The following F5 variants were observed in gnomAD, a reference collection of about 807,000 sequenced individuals.
F5 encodes coagulation factor V.
F5 carries 138 observed loss-of-function variants against 216.4 expected under a neutral mutation model. That is an observed-to-expected ratio of 0.64 (90% CI 0.56 to 0.73). F5 has a LOEUF of 0.73. Among genes scored for constraint, F5 ranks in the 30% least tolerant of loss-of-function variants. The pLI is 0.00. For missense variants in F5, 2,403 were observed against 2,674.0 expected (o/e 0.90, Z 2.24); for synonymous variants, 916 against 930.7 (o/e 0.98, Z 0.29).
rs772057603 is a variant in F5, at chr1:169,556,824, C to T, written c.774G>A (p.Leu258=). The T allele has an allele frequency of 5.6e-6, 9 of 1,614,050 alleles. No homozygotes were observed. The South Asian group carries it at 9.9e-5, about 18-fold the overall frequency. The part of the protein sequence containing the change: ...CAHDHISWHL[L]GMSSGPELFS... Reference sequence around the variant, plus strand: ...ATAATTCTGGCCCCGAGCTCATTCCCAGCAGATGCCAGCTGATGTGGTCAT... The same window carrying T: ...ATAATTCTGGCCCCGAGCTCATTCCTAGCAGATGCCAGCTGATGTGGTCAT... Residue 258 remains leucine, a synonymous_variant, in exon 6 of 25, where the codon CTG becomes CTA. Transcript: ENST00000367797.
At chr1:169,537,463 G>A (rs1364905904) in intron 13 of F5, among the ~76,000 whole-genome samples, 1 of 152,048 alleles carries the variant, frequency 6.6e-6, no homozygotes, top group Non-Finnish European at 1.5e-5. Flanking sequence ...GAAAGTACAG[G>A]CAACAAAAGC....
chr1:169,563,813 T>G (rs1660537818), intron 3 of F5, among the ~76,000 whole-genome samples: 1 of 151,860 alleles, frequency 6.6e-6, no homozygotes, highest in African/African-American at 2.4e-5. Flanking sequence ...TGAGAAGATT[T>G]ATGATAGCTG....
intron 2 of F5, among the ~76,000 whole-genome samples, chr1:169,574,341 G>A (rs1180168518): frequency 6.6e-6 from 1 of 152,156 alleles, no homozygotes; most frequent in East Asian, 1.9e-4. Context: ...GAGTTCTGGA[G>A]GTGAAACTTG....
intron 2 of F5, among the ~76,000 whole-genome samples, chr1:169,579,583 A>G (rs1270761455): frequency 2.0e-5 from 3 of 152,132 alleles, no homozygotes; most frequent in Non-Finnish European, 2.9e-5. Context: ...CTTCTCTCAC[A>G]AACTATCTCC....
intron 18 of F5, among the ~76,000 whole-genome samples, chr1:169,525,668 A>G (rs763658683): frequency 6.6e-6 from 1 of 152,202 alleles, no homozygotes; most frequent in African/African-American, 2.4e-5. Context: ...ATCACAAGTC[A>G]TGAAGAAGGA....
At chr1:169,526,914 ACT>A (rs1320973053) in intron 17 of F5, among the ~76,000 whole-genome samples, 6 of 151,600 alleles carry the variant, frequency 4.0e-5, no homozygotes, top group African/African-American at 1.2e-4. Context: ...TACAATTAAT[ACT>A]CTCTAGATGT....
chr1:169,579,247 G>C (rs190607759), intron 2 of F5, among the ~76,000 whole-genome samples: 17 of 152,174 alleles, frequency 1.1e-4, no homozygotes, highest in African/African-American at 4.1e-4. Flanking sequence ...TTTGCCTCCA[G>C]GATAACACAT....
rs1337212974 is a variant in F5 at position 169,518,575 on chromosome 1, A to C, written c.6194-12T>G. The C allele has an allele frequency of 3.1e-6, 5 of 1,613,700 alleles. No homozygotes were observed. The South Asian group carries it at 4.4e-5, about 14-fold the overall frequency. ...GGGTGTGGAACATCCTATCAAAAGA[A>C]AAGTAACGTGATTAATTACACACCA... On this transcript the variant is annotated splice_polypyrimidine_tract_variant and intron_variant, in intron 22 of 24. Transcript: ENST00000367797.
chr1:169,572,379 A>C (rs765701691), intron 2 of F5, 36 bp from the exon 3 acceptor site: 29 of 1,610,818 alleles, frequency 1.8e-5, no homozygotes, highest in Non-Finnish European at 4.2e-6. Flanking sequence ...GTCTGTATTC[A>C]GGGTCATCAA....
intron 19 of F5, among the ~76,000 whole-genome samples, chr1:169,524,250 C>T (rs2101807175): frequency 6.6e-6 from 1 of 152,300 alleles, no homozygotes; most frequent in South Asian, 2.1e-4. Context: ...ACCTCTTGAT[C>T]TTGGGAAGGG....
At chr1:169,518,693 T>C in intron 22 of F5, 130 bp from the exon 23 acceptor site, 1 of 1,042,470 alleles carries the variant, frequency 9.6e-7, no homozygotes, top group South Asian at 1.4e-5. Context: ...ACAATGAAGA[T>C]TTATTGAATC....
rs111915442 is a variant in F5, at chr1:169,532,901, A to G, written c.4972-1879T>C. ...ATTCTAAAATTCATATGGAATCAAA[A>G]AAGAGCCTGAATAGCCAAAGCAATC... On this transcript the variant is annotated intron_variant, in intron 14 of 24. Transcript: ENST00000367797. 2.6e-3 allele frequency among the ~76,000 whole-genome samples: 389 copies of G among 152,348 alleles called. 2 individuals carry two copies. Among genetic ancestry groups the G allele is most frequent in the African/African-American group, 8.5e-3 (352 of 41,586 alleles).
chr1:169,586,249 T>A lies in F5; in HGVS notation c.138A>T (p.Arg46=), dbSNP rs758330742. The change falls in exon 1 of 25, where the codon CGA becomes CGT. Residue 46 remains arginine (R), a synonymous_variant. Coordinates refer to ENST00000367797, the MANE Select transcript of F5 (RefSeq NM_000130.5). The part of the protein sequence containing the change: ...VAAQGISWSY[R]PEPTNSSLNL... ...GTTACCTTGAGTTTGTGGGCTCAGG[T>A]CGGTAGCTCCAACTGATGCCCTGAG... 1 of 1,614,040 alleles carries A rather than the reference T, an allele frequency of 6.2e-7. No individual in the cohort carries two copies. The highest frequency in any genetic ancestry group is 1.7e-5 in the Admixed American group (1 of 60,024).
intron 4 of F5, among the ~76,000 whole-genome samples, chr1:169,559,577 C>CA (rs1660414805): frequency 6.6e-6 from 1 of 152,114 alleles, no homozygotes; most frequent in Non-Finnish European, 1.5e-5. Flanking sequence ...AGACTCTGTA[C>CA]AAGTATCCAT....
In F5 at chr1:169,518,434, C is replaced by A. The variant is rs751124066; in HGVS notation, c.6323G>T (p.Arg2108Leu). 2 of 1,613,754 alleles carry A rather than the reference C, an allele frequency of 1.2e-6. No homozygotes were observed. The highest frequency in any genetic ancestry group is 1.7e-5 in the Admixed American group (1 of 60,004). ...PFRARLNAQGRVNAWQAKANN... is the reference protein window; with the variant it reads ...PFRARLNAQGLVNAWQAKANN... The stretch of plus-strand genomic sequence containing the variant: ...GACCTTGGCTTGCCAGGCATTCACA[C>A]GTCCCTGGGCATTCAGACGGGCACG... The change falls in exon 23 of 25, where the codon CGT becomes CTT. Residue 2108 changes from arginine (R) to leucine (L), a missense_variant. This residue lies in a region of F5 where 659 missense variants were observed against 787.9 expected (regional missense o/e 0.84). Transcript: ENST00000367797.
chr1:169,532,782 T>A (rs552984094), intron 14 of F5, among the ~76,000 whole-genome samples: 3 of 152,274 alleles, frequency 2.0e-5, no homozygotes, highest in African/African-American at 7.2e-5. Flanking sequence ...GAATCAGTAT[T>A]GTTAAAATAG....
chr1:169,545,688 T>G (rs1026717600), intron 11 of F5, among the ~76,000 whole-genome samples: 1 of 152,222 alleles, frequency 6.6e-6, no homozygotes, highest in Non-Finnish European at 1.5e-5. Context: ...AATCCCTAGC[T>G]GTCAGTCATC....
chr1:169,583,784 T>G (rs998329960), intron 1 of F5, among the ~76,000 whole-genome samples: 4 of 152,168 alleles, frequency 2.6e-5, no homozygotes, highest in African/African-American at 9.7e-5. Flanking sequence ...ACAGAAACTG[T>G]GTTAATATGT....
chr1:169,515,626 C>T lies in F5; in HGVS notation c.6346G>A (p.Ala2116Thr). 4 of 1,612,094 alleles carry T rather than the reference C, an allele frequency of 2.5e-6. No individual in the cohort carries two copies. The highest frequency in any genetic ancestry group is 1.7e-6 in the Non-Finnish European group (2 of 1,179,370). ...QGRVNAWQAK[A>T]NNNKQWLEID... is the part of the protein sequence containing the mutation. ...TCTAGCCACTGCTTATTGTTGTTTG[C>T]CTATGAAAATGACAAAAACACATAG... Residue 2116 changes from alanine to threonine, a missense_variant and splice_region_variant, in exon 24 of 25, where the codon GCA becomes ACA. Around this residue, in one of 4 missense-constraint regions of F5, gnomAD observed 659 missense variants for 787.9 expected, o/e 0.84. Transcript: ENST00000367797.
Sources: allele counts gnomAD v4.1 joint callset (sites outside exome capture counted in the v4.1 genomes callset), GRCh38; gene constraint gnomAD v4.1.1; regional missense constraint gnomAD v4.1.1; transcripts MANE v1.5; gene names NCBI Gene and HGNC (gene_info 2026-07-23, HGNC 2026-07-21).